The following DYSF variants were observed in gnomAD, a reference collection of about 807,000 sequenced individuals.
DYSF encodes the protein dysferlin.
In DYSF, 212 loss-of-function variants were observed where a neutral mutation model predicts 274.9. The ratio of observed to expected loss-of-function variants is 0.77; its 90% CI spans 0.69 to 0.86. The LOEUF (loss-of-function observed/expected upper bound fraction) is 0.86, where lower values mean the gene tolerates loss of function less well. Among genes scored for constraint, DYSF ranks in the 40% least tolerant of loss-of-function variants. The pLI, the probability that DYSF is intolerant of heterozygous loss-of-function variation, is 0.00. For synonymous variants in DYSF, 1,091 were observed against 1,078.7 expected (o/e 1.01, Z -0.22); for missense variants, 2,666 against 2,783.2 (o/e 0.96, Z 0.95).
intron 12 of DYSF, among the ~76,000 whole-genome samples, chr2:71,522,553 T>TC (rs1303590347): frequency 1.3e-5 from 2 of 152,174 alleles, no homozygotes; most frequent in East Asian, 1.9e-4. Context: ...CCTTGCTGTG[T>TC]CCTGCCCGTC....
chr2:71,503,065 T>A (rs1284763079), intron 3 of DYSF, 149 bp from the exon 4 acceptor site: 2 of 764,624 alleles, frequency 2.6e-6, no homozygotes, highest in Non-Finnish European at 4.7e-6. Flanking sequence ...TGACTGGGTG[T>A]GGGGGTGCAG....
intron 14 of DYSF, among the ~76,000 whole-genome samples, chr2:71,532,409 G>C (rs114430816): frequency 1.3e-5 from 2 of 152,128 alleles, no homozygotes; most frequent in Admixed American, 6.5e-5. Context: ...GTGAAGGAAG[G>C]TAAAGAAAAA....
At chr2:71,540,192 T>C (rs4852803) in intron 17 of DYSF, among the ~76,000 whole-genome samples, 121,957 of 150,746 alleles carry the variant, frequency 0.81, 50,757 homozygotes, top group African/African-American at 0.89. Flanking sequence ...CTCACTGCAA[T>C]CTCCGCCTCC....
intron 13 of DYSF, 68 bp from the exon 14 acceptor site, chr2:71,528,230 T>G: frequency 1.4e-6 from 2 of 1,403,398 alleles, no homozygotes; most frequent in Non-Finnish European, 2.0e-6. Flanking sequence ...TGGAGACAGA[T>G]GGGGGACAGT....
chr2:71,477,911 T>G (rs922940464), intron 1 of DYSF, among the ~76,000 whole-genome samples: 1 of 152,162 alleles, frequency 6.6e-6, no homozygotes, highest in Non-Finnish European at 1.5e-5. Context: ...ATTTTCTTCA[T>G]AGACATCAAT....
intron 16 of DYSF, among the ~76,000 whole-genome samples, chr2:71,535,823 G>A (rs928280193): frequency 5.3e-5 from 8 of 152,176 alleles, no homozygotes; most frequent in Admixed American, 4.6e-4. Flanking sequence ...AGCAGCTCAC[G>A]GGCGTCTTAG....
chr2:71,480,623 T>A (rs1558962991), intron 1 of DYSF, among the ~76,000 whole-genome samples: 2 of 152,246 alleles, frequency 1.3e-5, no homozygotes, highest in East Asian at 3.9e-4. Context: ...GAAATAACAA[T>A]AACAAACTCA....
chr2:71,656,185 T>C lies in DYSF; in HGVS notation c.4650T>C (p.Asn1550=), dbSNP rs756403845. Residue 1550 remains asparagine, a synonymous_variant, in exon 43 of 56, where the codon AAT becomes AAC. Transcript: ENST00000410020. ...AGGTCTATGACACACAGCTGGAGAA[T>C]GTGGAGGCCTTTGAGGGCCTGTCTG... The part of the protein sequence containing the change: ...TLKVYDTQLE[N]VEAFEGLSDF... 1.2e-6 allele frequency: 2 copies of C among 1,614,186 alleles called. No homozygotes were observed. Among genetic ancestry groups the C allele is most frequent in the Non-Finnish European group, 8.5e-7 (1 of 1,180,042 alleles).
chr2:71,645,143 A>G (rs912061926), intron 42 of DYSF, among the ~76,000 whole-genome samples: 6 of 152,168 alleles, frequency 3.9e-5, no homozygotes, highest in African/African-American at 9.7e-5. Flanking sequence ...TGTTAGCTCA[A>G]TTAGACCCCT....
At chr2:71,664,873 C>G (rs1369982276) in intron 46 of DYSF, among the ~76,000 whole-genome samples, 1 of 152,182 alleles carries the variant, frequency 6.6e-6, no homozygotes, top group Non-Finnish European at 1.5e-5. Flanking sequence ...GGACTGCACC[C>G]CTCTTCCCAC....
intron 34 of DYSF, 132 bp from the exon 35 acceptor site, chr2:71,601,367 C>T (rs2093546319): frequency 8.1e-7 from 1 of 1,229,650 alleles, no homozygotes; most frequent in Non-Finnish European, 1.2e-6. Context: ...CCTAGCATCC[C>T]TTCTACCCTC....
chr2:71,510,592 C>G (rs2085991527), intron 4 of DYSF, among the ~76,000 whole-genome samples: 1 of 152,116 alleles, frequency 6.6e-6, no homozygotes, highest in Non-Finnish European at 1.5e-5. Flanking sequence ...GTCCCCAGGC[C>G]CCAGTCTGGA....
At chr2:71,557,149 C>G (rs1217966532) in intron 22 of DYSF, among the ~76,000 whole-genome samples, 1 of 152,242 alleles carries the variant, frequency 6.6e-6, no homozygotes, top group East Asian at 1.9e-4. Flanking sequence ...AAAGGTACAA[C>G]TTCAGCCCTC....
Position 71,686,664 on chromosome 2 carries a change from G to A in DYSF, c.*172G>A. On this transcript the variant is annotated 3_prime_UTR_variant, in exon 56 of 56. Coordinates refer to ENST00000410020, the MANE Select transcript of DYSF (RefSeq NM_001130987.2). ...ACACTCCCAGAGTTGCTAACATGGA[G>A]CTCTGAGATCACCCCACTTCCATCA... is the stretch of plus-strand genomic sequence containing the variant. 1 of 740,274 alleles carries A rather than the reference G, an allele frequency of 1.4e-6. No individual in the cohort carries two copies. The highest frequency in any genetic ancestry group is 2.4e-6 in the Non-Finnish European group (1 of 423,276). The allele number at this position is 740,274 out of a possible 1,614,324, so 45.9% of individuals were successfully genotyped here.
At chr2:71,613,701 C>G (rs1448200841) in intron 40 of DYSF, among the ~76,000 whole-genome samples, 22 of 152,082 alleles carry the variant, frequency 1.4e-4, no homozygotes, top group Admixed American at 1.4e-3. Context: ...TCCTGGAGAT[C>G]ACCAGAAAAT....
At chr2:71,490,371 C>T (rs1177887571) in intron 3 of DYSF, among the ~76,000 whole-genome samples, 1 of 152,198 alleles carries the variant, frequency 6.6e-6, no homozygotes, top group African/African-American at 2.4e-5. Flanking sequence ...CAGAGTTTCG[C>T]TCTCGTTGCC....
chr2:71,620,602 G>A lies in DYSF; in HGVS notation c.4520G>A (p.Ser1507Asn). 1 of 1,550,654 alleles carries A rather than the reference G, an allele frequency of 6.4e-7. No individual in the cohort carries two copies. Among genetic ancestry groups the A allele is most frequent in the Non-Finnish European group, 8.7e-7 (1 of 1,146,748 alleles). The stretch of plus-strand genomic sequence containing the variant: ...ACTAACACGGCTTCTCCTCCATCCA[G>A]TCCTCATGTATGTACTGTTTACTTA... ...APTNTASPPS[S>N]PHEEEFIDWW... Residue 1507 changes from serine (S) to asparagine (N), a missense_variant, in exon 41 of 56, where the codon AGT becomes AAT. Physicochemically the swap from Ser to Asn is conservative, Grantham distance 46 (BLOSUM62 1). Around this residue, in one of 3 missense-constraint regions of DYSF, gnomAD observed 1,460 missense variants for 1,502.1 expected, o/e 0.97. Coordinates refer to ENST00000410020, the MANE Select transcript of DYSF (RefSeq NM_001130987.2).
At chr2:71,541,389 C>G (rs1306326140) in intron 17 of DYSF, among the ~76,000 whole-genome samples, 1 of 152,118 alleles carries the variant, frequency 6.6e-6, no homozygotes, top group East Asian at 1.9e-4. Flanking sequence ...AGAAAAGCAT[C>G]CATTACGTTG....
At chr2:71,554,908 C>A (rs74483890) in intron 21 of DYSF, among the ~76,000 whole-genome samples, 150 of 152,206 alleles carry the variant, frequency 9.9e-4, no homozygotes, top group African/African-American at 3.3e-3. Context: ...ATGGTCCTGG[C>A]AGTGGCTGTA....
Sources: allele counts gnomAD v4.1 joint callset (sites outside exome capture counted in the v4.1 genomes callset), GRCh38; gene constraint gnomAD v4.1.1; regional missense constraint gnomAD v4.1.1; transcripts MANE v1.5; gene names NCBI Gene and HGNC (gene_info 2026-07-23, HGNC 2026-07-21).